DCLK2: variants seen among roughly 807,000 people sequenced by gnomAD.
DCLK2 encodes the protein serine/threonine-protein kinase DCLK2.
In DCLK2, 31 loss-of-function variants were observed where a neutral mutation model predicts 78.4. That is an observed-to-expected ratio of 0.40 (90% CI 0.30 to 0.53). The LOEUF (loss-of-function observed/expected upper bound fraction) is 0.53, where lower values mean the gene tolerates loss of function less well. Ranked by LOEUF, DCLK2 falls within the 20% of genes least tolerant of loss-of-function variation. The probability of loss-of-function intolerance (pLI) is 0.61; values close to 1 mark genes in which losing one functional copy is unlikely to be tolerated. For synonymous variants in DCLK2, 407 were observed against 374.9 expected, an observed-to-expected ratio of 1.09 and a Z score of -0.99; for missense variants, 872 against 973.7, an observed-to-expected ratio of 0.90 and a Z score of 1.39.
intron 4 of DCLK2, among the ~76,000 whole-genome samples, chr4:150,201,372 A>G (rs1460802324): frequency 6.6e-6 from 1 of 152,150 alleles, no homozygotes; most frequent in Non-Finnish European, 1.5e-5. Context: ...GGTGCTGTCC[A>G]GGGCCCCCAT....
chr4:150,251,935 C>A (rs896624398), intron 15 of DCLK2, among the ~76,000 whole-genome samples: 2 of 151,776 alleles, frequency 1.3e-5, no homozygotes, highest in Non-Finnish European at 2.9e-5. Flanking sequence ...GTGTGCTCTC[C>A]CTCTCTCCCT....
chr4:150,221,704 C>A lies in DCLK2; in HGVS notation c.1160C>A (p.Ser387Ter). ...GTGAATGGAAACAGATGCTCTGAAT[C>A]ATCAACTCTTCTTGAGAAATACAAA... ...EGVNGNRCSE[S>*]STLLEKYKIG... Residue 387 changes from serine (S) to a stop codon, truncating the protein, a stop_gained, in exon 7 of 16, where the codon TCA becomes TAA. Transcript: ENST00000296550. LOFTEE classifies it high-confidence loss of function. The A allele has an allele frequency of 6.2e-7, 1 of 1,602,612 alleles. No individual in the cohort carries two copies. Among genetic ancestry groups the A allele is most frequent in the Non-Finnish European group, 8.5e-7 (1 of 1,175,994 alleles).
At chr4:150,140,524 T>C (rs1167470993) in intron 2 of DCLK2, among the ~76,000 whole-genome samples, 1 of 152,186 alleles carries the variant, frequency 6.6e-6, no homozygotes, top group Non-Finnish European at 1.5e-5. Flanking sequence ...AACACACTGC[T>C]TGGAAGAAAT....
chr4:150,177,281 G>A (rs549894907), intron 2 of DCLK2, among the ~76,000 whole-genome samples: 1 of 152,018 alleles, frequency 6.6e-6, no homozygotes, highest in South Asian at 2.1e-4. Context: ...ATAATTTTAG[G>A]TTTTAGTTAT....
chr4:150,183,916 T>G (rs1413844367), intron 2 of DCLK2, among the ~76,000 whole-genome samples: 1 of 152,000 alleles, frequency 6.6e-6, no homozygotes, highest in Non-Finnish European at 1.5e-5. Context: ...TATTTTTTTG[T>G]AGTGATGGAG....
chr4:150,199,793 A>C (rs1301042651), intron 4 of DCLK2, among the ~76,000 whole-genome samples: 6 of 146,194 alleles, frequency 4.1e-5, no homozygotes, highest in African/African-American at 1.7e-4. Flanking sequence ...TGGGTTAATC[A>C]AAGAGTAGAT....
At position 150,247,608 on chromosome 4, in the gene DCLK2, A is replaced by G; in HGVS notation, c.1784A>G (p.Asn595Ser). ...TTTCTTTGTCACTGGCTTAGTGAGAACAATCTCCAGGAAGATCTCTTCGAC... is the reference window on the plus strand; with the variant it reads ...TTTCTTTGTCACTGGCTTAGTGAGAGCAATCTCCAGGAAGATCTCTTCGAC... ...LCGFPPFRSE[N>S]NLQEDLFDQI... The change falls in exon 13 of 16, where the codon AAC becomes AGC. Residue 595 changes from asparagine to serine, a missense_variant. Transcript: ENST00000296550. 1 of 1,613,890 alleles carries G rather than the reference A, an allele frequency of 6.2e-7. No homozygotes were observed. Among genetic ancestry groups the G allele is most frequent in the Non-Finnish European group, 8.5e-7 (1 of 1,179,912 alleles).
At chr4:150,095,214 G>A (rs747528130) in intron 1 of DCLK2, among the ~76,000 whole-genome samples, 1 of 152,126 alleles carries the variant, frequency 6.6e-6, no homozygotes, top group Non-Finnish European at 1.5e-5. Context: ...AATATTGCCA[G>A]CATCTGAGAA....
intron 2 of DCLK2, among the ~76,000 whole-genome samples, chr4:150,115,318 G>T (rs1231456744): frequency 2.6e-5 from 4 of 151,348 alleles, no homozygotes; most frequent in Admixed American, 1.3e-4. Context: ...CCTTTCTCTT[G>T]TATCTCCTTG....
At chr4:150,184,348 ACT>A (rs1333470870) in intron 2 of DCLK2, among the ~76,000 whole-genome samples, 1 of 152,114 alleles carries the variant, frequency 6.6e-6, no homozygotes, top group Non-Finnish European at 1.5e-5. Context: ...TGTTTCTTTT[ACT>A]CTCTCTCAGA....
intron 2 of DCLK2, among the ~76,000 whole-genome samples, chr4:150,134,046 T>TCTCCTGC (rs1208340932): frequency 6.6e-6 from 1 of 151,504 alleles, no homozygotes; most frequent in Non-Finnish European, 1.5e-5. Context: ...GAAAGCATTC[T>TCTCCTGC]CTCCTGCATG....
rs571334874 is a variant in DCLK2, at chr4:150,079,210, C to T, written c.183C>T (p.Thr61=). ...ACTGCAGCTTCTACCGCACGCGGAC[C>T]CTGCAGGCCCTCAGCTCGGAGAAGA... is the stretch of plus-strand genomic sequence containing the variant. ...SAHCSFYRTR[T]LQALSSEKKA... Residue 61 remains threonine, a synonymous_variant, in exon 1 of 16, where the codon ACC becomes ACT. Transcript: ENST00000296550. 2 of 1,611,792 alleles carry T rather than the reference C, an allele frequency of 1.2e-6. No individual in the cohort carries two copies. Among genetic ancestry groups the T allele is most frequent in the Admixed American group, 1.7e-5 (1 of 59,822 alleles).
intron 10 of DCLK2, among the ~76,000 whole-genome samples, chr4:150,238,916 A>AT (rs1022907019): frequency 1.3e-5 from 2 of 152,178 alleles, no homozygotes; most frequent in African/African-American, 4.8e-5. Context: ...GTATTTCATC[A>AT]TTGACTGTCT....
chr4:150,204,265 A>G (rs1301867543), intron 5 of DCLK2, among the ~76,000 whole-genome samples: 1 of 152,222 alleles, frequency 6.6e-6, no homozygotes, highest in African/African-American at 2.4e-5. Context: ...TCATGACTTT[A>G]ATATTGCTAA....
In DCLK2 at chr4:150,223,737, C is replaced by G. The variant is rs983003863; in HGVS notation, c.1242-764C>G. ...CCAGCCTGGCTGACAGAGCAAGACTCTCTCTCAATAAATAAATAAATAAAT... is the reference window on the plus strand; with the variant it reads ...CCAGCCTGGCTGACAGAGCAAGACTGTCTCTCAATAAATAAATAAATAAAT... On this transcript the variant is annotated intron_variant, in intron 7 of 15. Transcript: ENST00000296550. Among the ~76,000 whole-genome samples, 8 of 126,472 alleles carry G rather than the reference C, an allele frequency of 6.3e-5. No individual in the cohort carries two copies. In the East Asian group the frequency reaches 1.8e-3, roughly 29 times the overall value. 83.0% of individuals were successfully genotyped at this position (126,472 alleles called of 152,430 possible). A position where few individuals can be genotyped will look rare whatever the true frequency, so the allele number is the denominator to read the frequency against.
At chr4:150,172,760 T>TTGG (rs762854376) in intron 2 of DCLK2, among the ~76,000 whole-genome samples, 7 of 125,004 alleles carry the variant, frequency 5.6e-5, no homozygotes, top group African/African-American at 8.7e-5. Flanking sequence ...TTTTTTTTTT[T>TTGG]GGGGGGGGGG....
At chr4:150,097,763 T>G (rs1285737351) in intron 1 of DCLK2, among the ~76,000 whole-genome samples, 1 of 152,208 alleles carries the variant, frequency 6.6e-6, no homozygotes, top group Admixed American at 6.5e-5. Context: ...TATGCTTCTG[T>G]TTTTCCTCTT....
At chr4:150,156,799 A>G (rs1453493032) in intron 2 of DCLK2, among the ~76,000 whole-genome samples, 1 of 146,880 alleles carries the variant, frequency 6.8e-6, no homozygotes, top group Non-Finnish European at 1.5e-5. Flanking sequence ...ATTTTTTGAG[A>G]CAGAGTCTTG....
At chr4:150,251,318 CCA>C (rs146713144) in intron 15 of DCLK2, among the ~76,000 whole-genome samples, 17 of 150 alleles carry the variant, frequency 0.11, 8 homozygotes, top group Non-Finnish European at 0.46. Flanking sequence ...CCACACACCC[CCA>C]CATACCCCCA....
Sources: allele counts gnomAD v4.1 joint callset (sites outside exome capture counted in the v4.1 genomes callset), GRCh38; gene constraint gnomAD v4.1.1; transcripts MANE v1.5; gene names NCBI Gene and HGNC (gene_info 2026-07-23, HGNC 2026-07-21).